The following PRKCE variants were observed in gnomAD, a reference collection of about 807,000 sequenced individuals.
The protein encoded by PRKCE is protein kinase C epsilon type.
Under a neutral mutation model 85.4 loss-of-function variants are expected in PRKCE, and 16 were observed. The observed-to-expected ratio is 0.19, with a 90% CI of 0.13 to 0.28. The LOEUF (loss-of-function observed/expected upper bound fraction) is 0.28. Ranked by LOEUF, PRKCE falls within the 10% of genes least tolerant of loss-of-function variation. The pLI, the probability that PRKCE is intolerant of heterozygous loss-of-function variation, is 1.00. For missense variants in PRKCE, 573 were observed against 975.2 expected, an observed-to-expected ratio of 0.59 and a Z score of 5.49; for synonymous variants, 388 against 371.5, an observed-to-expected ratio of 1.04 and a Z score of -0.51.
chr2:45,882,677 CTGGAGG>C (rs2105819783), intron 2 of PRKCE, among the ~76,000 whole-genome samples: 1 of 152,346 alleles, frequency 6.6e-6, no homozygotes, highest in South Asian at 2.1e-4. Context: ...CTCCTTGACC[CTGGAGG>C]CCCATCCACC....
At chr2:46,037,379 A>G (rs1707933401) in intron 10 of PRKCE, among the ~76,000 whole-genome samples, 1 of 152,318 alleles carries the variant, frequency 6.6e-6, no homozygotes, top group East Asian at 1.9e-4. Flanking sequence ...CCCTTCTTCC[A>G]TCAGTCATTA....
chr2:45,834,504 AT>A (rs1690689070), intron 1 of PRKCE, among the ~76,000 whole-genome samples: 1 of 152,146 alleles, frequency 6.6e-6, no homozygotes, highest in Non-Finnish European at 1.5e-5. Flanking sequence ...TGTCATGTCC[AT>A]CTCTTGAGTC....
intron 2 of PRKCE, among the ~76,000 whole-genome samples, chr2:45,917,154 C>T (rs1394610255): frequency 3.9e-5 from 6 of 152,284 alleles, no homozygotes; most frequent in East Asian, 1.9e-4. Flanking sequence ...TTTGACAGGG[C>T]GCTGATTGGT....
At chr2:45,714,241 G>A (rs1031756344) in intron 1 of PRKCE, among the ~76,000 whole-genome samples, 5 of 152,190 alleles carry the variant, frequency 3.3e-5, no homozygotes, top group African/African-American at 7.2e-5. Flanking sequence ...CACATAGAAA[G>A]GGTACTCTGA....
intron 2 of PRKCE, among the ~76,000 whole-genome samples, chr2:45,932,198 G>A (rs1185692014): frequency 6.6e-6 from 1 of 152,180 alleles, no homozygotes; most frequent in East Asian, 1.9e-4. Flanking sequence ...ATACTGTTGT[G>A]TCTGGTTTTT....
At chr2:46,073,278 A>G (rs1018904792) in intron 10 of PRKCE, among the ~76,000 whole-genome samples, 1 of 152,198 alleles carries the variant, frequency 6.6e-6, no homozygotes, top group African/African-American at 2.4e-5. Flanking sequence ...TTTTTCTTCT[A>G]GTGTAATCAA....
At chr2:45,893,089 A>T (rs1695858670) in intron 2 of PRKCE, among the ~76,000 whole-genome samples, 1 of 152,186 alleles carries the variant, frequency 6.6e-6, no homozygotes. Context: ...CCTGCAGGCC[A>T]TATTCACAGC....
intron 1 of PRKCE, among the ~76,000 whole-genome samples, chr2:45,769,923 C>T (rs1350742879): frequency 6.6e-6 from 1 of 152,274 alleles, no homozygotes; most frequent in Non-Finnish European, 1.5e-5. Flanking sequence ...GCGCCAATCT[C>T]CCATGGCTCC....
intron 9 of PRKCE, 129 bp from the exon 10 acceptor site, chr2:46,010,215 C>A: frequency 9.3e-7 from 1 of 1,075,704 alleles, no homozygotes; most frequent in Non-Finnish European, 1.3e-6. Context: ...GCCACCACAC[C>A]AGGCTTGTTA....
chr2:46,043,053 C>T (rs1708305904), intron 10 of PRKCE, among the ~76,000 whole-genome samples: 1 of 151,912 alleles, frequency 6.6e-6, no homozygotes, highest in Non-Finnish European at 1.5e-5. Flanking sequence ...AACTTCCCAT[C>T]CAAATTAAAC....
At chr2:45,972,621 C>T (rs1004622953) in intron 2 of PRKCE, among the ~76,000 whole-genome samples, 4 of 152,116 alleles carry the variant, frequency 2.6e-5, no homozygotes, top group Admixed American at 6.6e-5. Flanking sequence ...ATTCAATCCA[C>T]GTTTAGTTGA....
intron 1 of PRKCE, among the ~76,000 whole-genome samples, chr2:45,666,120 G>T (rs1675899142): frequency 6.6e-6 from 1 of 152,146 alleles, no homozygotes; most frequent in African/African-American, 2.4e-5. Context: ...CATAGAAGGT[G>T]CACAATTCCT....
Position 46,004,488 on chromosome 2 carries a change from A to G in PRKCE, c.967-54A>G. ...GCATCTTGATGCTTTTGACATCAGA[A>G]AACTCTCAACCCTCCCTTCTGATGC... On this transcript the variant is annotated intron_variant, in intron 7 of 14. Transcript: ENST00000306156. The surrounding 1 kb of genome is among the most constrained non-coding windows in gnomAD (Gnocchi z 4.1). 1 of 1,425,214 alleles carries G rather than the reference A, an allele frequency of 7.0e-7. No individual in the cohort carries two copies. The highest frequency in any genetic ancestry group is 9.6e-7 in the Non-Finnish European group (1 of 1,044,460). The allele number at this position is 1,425,214 out of a possible 1,614,324, so 88.3% of individuals were successfully genotyped here. A position where few individuals can be genotyped will look rare whatever the true frequency, so the allele number is the denominator to read the frequency against.
rs1339449539 is a variant in PRKCE at position 45,907,996 on chromosome 2, G to T, written c.412+64933G>T. Among the ~76,000 whole-genome samples, 1 of 152,112 alleles carries T rather than the reference G, an allele frequency of 6.6e-6. No homozygotes were observed. The highest frequency in any genetic ancestry group is 1.5e-5 in the Non-Finnish European group (1 of 68,022). On this transcript the variant is annotated intron_variant, in intron 2 of 14. Transcript: ENST00000306156. This position sits in a 1 kb window ranked among gnomAD's most constrained non-coding sequence, Gnocchi z 4.5. ...TTCAAATCTCTGAAGTGGGGAGGGC[G>T]ATTATCACCCCATTTTTGAGACGGG...
chr2:45,651,519 GCATCCCTCCGGATAGACTGAA>G (rs1675118905), upstream of PRKCE: 1 of 152,174 alleles, frequency 6.6e-6, no homozygotes, highest in Non-Finnish European at 1.5e-5. Flanking sequence ...CTCTCGACAT[GCATCCCTCCGGATAGACTGAA>G]CATCCCTCCG....
intron 2 of PRKCE, among the ~76,000 whole-genome samples, chr2:45,875,043 C>T (rs1435143527): frequency 6.6e-6 from 1 of 151,426 alleles, no homozygotes; most frequent in Non-Finnish European, 1.5e-5. Flanking sequence ...ACCCACATTA[C>T]ACACATGCAT....
intron 2 of PRKCE, among the ~76,000 whole-genome samples, chr2:45,864,275 AT>A (rs1339450845): frequency 6.6e-6 from 1 of 152,156 alleles, no homozygotes; most frequent in Non-Finnish European, 1.5e-5. Context: ...CTGGGAACGC[AT>A]TTTAAGGGAC....
At position 46,001,598 on chromosome 2, in the gene PRKCE, T is replaced by G. The variant is rs1704688110; in HGVS notation, c.966+52T>G. 1.3e-6 allele frequency: 2 copies of G among 1,567,072 alleles called. No homozygotes were observed. The highest frequency in any genetic ancestry group is 1.7e-6 in the Non-Finnish European group (2 of 1,160,700). On this transcript the variant is annotated intron_variant, in intron 7 of 14. Transcript: ENST00000306156. The surrounding 1 kb of genome is among the most constrained non-coding windows in gnomAD (Gnocchi z 4.4). ...GGAGCCCTTTTCAGGCTAGCATTTC[T>G]GTGCTGACTTCCAGAGGGTGCTCTG...
At chr2:45,899,155 C>T (rs1285370507) in intron 2 of PRKCE, among the ~76,000 whole-genome samples, 1 of 152,206 alleles carries the variant, frequency 6.6e-6, no homozygotes, top group Non-Finnish European at 1.5e-5. Flanking sequence ...CTGGTGGCCT[C>T]ATTCCCTAAG....
Sources: allele counts gnomAD v4.1 joint callset (sites outside exome capture counted in the v4.1 genomes callset), GRCh38; gene constraint gnomAD v4.1.1; non-coding constraint Gnocchi (gnomAD v3.1); transcripts MANE v1.5; gene names NCBI Gene and HGNC (gene_info 2026-07-23, HGNC 2026-07-21).